MEGF9: variants seen among roughly 807,000 people sequenced by gnomAD.
MEGF9 encodes multiple epidermal growth factor-like domains protein 9.
MEGF9 carries 6 observed loss-of-function variants against 46.8 expected under a neutral mutation model. The ratio of observed to expected loss-of-function variants is 0.13; its 90% CI spans 0.07 to 0.25. The LOEUF (loss-of-function observed/expected upper bound fraction) is 0.25. Among genes scored for constraint, MEGF9 ranks in the 10% least tolerant of loss-of-function variants. The probability of loss-of-function intolerance (pLI) is 1.00; values close to 1 mark genes in which losing one functional copy is unlikely to be tolerated. For synonymous variants in MEGF9, 302 were observed against 330.7 expected, an observed-to-expected ratio of 0.91 and a Z score of 0.94; for missense variants, 683 against 792.4, an observed-to-expected ratio of 0.86 and a Z score of 1.66.
At chr9:120,711,353 T>C (rs532552759) in intron 1 of MEGF9, among the ~76,000 whole-genome samples, 4 of 152,240 alleles carry the variant, frequency 2.6e-5, no homozygotes, top group Non-Finnish European at 5.9e-5. Context: ...AAGTCCATGA[T>C]ACATAGTTAA....
intron 1 of MEGF9, among the ~76,000 whole-genome samples, chr9:120,699,016 A>C (rs891840979): frequency 4.6e-5 from 7 of 152,318 alleles, no homozygotes; most frequent in Non-Finnish European, 7.3e-5. Context: ...CACGTGAACC[A>C]AAGACAAATC....
chr9:120,660,214 G>C (rs780895397), intron 1 of MEGF9, among the ~76,000 whole-genome samples: 15 of 151,848 alleles, frequency 9.9e-5, no homozygotes, highest in Non-Finnish European at 2.2e-4. Flanking sequence ...TTTGTTTGTT[G>C]GTTTCACTTT....
intron 3 of MEGF9, among the ~76,000 whole-genome samples, chr9:120,615,933 T>C (rs567918748): frequency 5.7e-4 from 87 of 152,226 alleles, no homozygotes; most frequent in African/African-American, 2.0e-3. Context: ...ATAAAATTCA[T>C]TGATTCTTAA....
rs116642708 is a variant in MEGF9, at chr9:120,681,708, G to C, written c.602-22133C>G. Among the ~76,000 whole-genome samples, 570 of 152,210 alleles carry C rather than the reference G, an allele frequency of 3.7e-3. 6 individuals carry two copies. Among genetic ancestry groups the C allele is most frequent in the African/African-American group, 0.013 (546 of 41,518 alleles). ...TAATTACCATATACCTATTAATATA[G>C]AGTAGCTGTTATGTTGGTAACTATT... is the stretch of plus-strand genomic sequence containing the variant. On this transcript the variant is annotated intron_variant, in intron 1 of 5. Transcript: ENST00000373930.
intron 1 of MEGF9, among the ~76,000 whole-genome samples, chr9:120,695,603 CAA>C (rs370281228): frequency 0.063 from 1,154 of 18,362 alleles, no homozygotes; most frequent in African/African-American, 0.13. Flanking sequence ...GACCCCATCT[CAA>C]AAAAAAAAAA....
intron 2 of MEGF9, among the ~76,000 whole-genome samples, chr9:120,657,675 T>C (rs2043683607): frequency 6.6e-6 from 1 of 152,126 alleles, no homozygotes; most frequent in Non-Finnish European, 1.5e-5. Flanking sequence ...TATGAGCATG[T>C]TTTAGGGGGA....
chr9:120,659,521 T>C lies in MEGF9; in HGVS notation c.656A>G (p.Gln219Arg), dbSNP rs755371275. 3 of 1,613,732 alleles carry C rather than the reference T, an allele frequency of 1.9e-6. No homozygotes were observed. The highest frequency in any genetic ancestry group is 2.5e-6 in the Non-Finnish European group (3 of 1,179,790). Residue 219 changes from glutamine (Q) to arginine (R), a missense_variant, in exon 2 of 6, where the codon CAG becomes CGG. By Grantham distance (43) the Gln-to-Arg change is conservative. Coordinates refer to ENST00000373930, the MANE Select transcript of MEGF9 (RefSeq NM_001080497.3). The part of the protein sequence containing the change: ...VGSLNVNRCN[Q>R]TTGQCECRPG... ...CCGACACTCACACTGCCCTGTGGTC[T>C]GGTTGCAGCGATTCACATTCAGGCT...
intron 4 of MEGF9, among the ~76,000 whole-genome samples, chr9:120,608,739 TG>T (rs1048062607): frequency 1.8e-4 from 27 of 152,208 alleles, no homozygotes; most frequent in African/African-American, 4.8e-4. Flanking sequence ...CTTCCTCCAA[TG>T]TTCCCTAGAT....
chr9:120,631,649 T>A (rs1256448157), intron 2 of MEGF9, among the ~76,000 whole-genome samples: 1 of 151,506 alleles, frequency 6.6e-6, no homozygotes, highest in Admixed American at 6.6e-5. Context: ...CATGCCTGGG[T>A]AATTTTTGTA....
chr9:120,644,753 G>A (rs2043618384), intron 2 of MEGF9, among the ~76,000 whole-genome samples: 1 of 152,190 alleles, frequency 6.6e-6, no homozygotes, highest in Admixed American at 6.5e-5. Flanking sequence ...GTCGGTAAAT[G>A]TTAGTGCTGT....
intron 1 of MEGF9, among the ~76,000 whole-genome samples, chr9:120,665,927 G>C (rs903963100): frequency 3.3e-5 from 5 of 151,960 alleles, no homozygotes; most frequent in African/African-American, 1.2e-4. Flanking sequence ...TTTATTTCTG[G>C]ATTCTCTGTT....
intron 1 of MEGF9, among the ~76,000 whole-genome samples, chr9:120,670,608 A>C (rs1299497655): frequency 6.6e-6 from 1 of 152,058 alleles, no homozygotes; most frequent in Non-Finnish European, 1.5e-5. Context: ...CTTCCATCCC[A>C]CTGTACAACC....
intron 1 of MEGF9, among the ~76,000 whole-genome samples, chr9:120,695,838 A>G (rs914410087): frequency 1.6e-4 from 25 of 152,166 alleles, no homozygotes; most frequent in African/African-American, 5.8e-4. Context: ...TTAAGCCTTG[A>G]TACCGCATCA....
At chr9:120,631,767 A>G (rs10818471) in intron 2 of MEGF9, among the ~76,000 whole-genome samples, 104,644 of 152,084 alleles carry the variant, frequency 0.69, 36,204 homozygotes, top group South Asian at 0.75. Context: ...TTACAGGTAT[A>G]AGCCACTGTG....
chr9:120,642,873 C>T (rs1315379347), intron 2 of MEGF9, among the ~76,000 whole-genome samples: 4 of 152,148 alleles, frequency 2.6e-5, no homozygotes, highest in Admixed American at 6.5e-5. Context: ...GAGAAACATG[C>T]CTATGTTCCT....
chr9:120,701,942 C>A (rs555157810), intron 1 of MEGF9, among the ~76,000 whole-genome samples: 14 of 151,968 alleles, frequency 9.2e-5, no homozygotes, highest in Non-Finnish European at 1.9e-4. Flanking sequence ...ACTTGGGAGG[C>A]TGAGGCAGGC....
intron 1 of MEGF9, among the ~76,000 whole-genome samples, chr9:120,711,002 C>T (rs2043950469): frequency 6.6e-6 from 1 of 152,166 alleles, no homozygotes; most frequent in African/African-American, 2.4e-5. Flanking sequence ...CACCCAAAGA[C>T]CATCACAGAC....
intron 2 of MEGF9, among the ~76,000 whole-genome samples, chr9:120,639,174 G>GT (rs1478451754): frequency 1.3e-5 from 2 of 152,066 alleles, no homozygotes; most frequent in African/African-American, 4.8e-5. Flanking sequence ...TTTCCCATAT[G>GT]TTTTTTATAT....
In MEGF9 at chr9:120,671,862, C is replaced by T. The variant is rs1264381994; in HGVS notation, c.602-12287G>A. 2.0e-4 allele frequency among the ~76,000 whole-genome samples: 31 copies of T among 152,058 alleles called. 1 individual carries two copies. Among genetic ancestry groups the T allele is most frequent in the Admixed American group, 2.0e-3 (30 of 15,268 alleles). On this transcript the variant is annotated intron_variant, in intron 1 of 5. Transcript: ENST00000373930. The stretch of plus-strand genomic sequence containing the variant: ...ACATCTTGGATCAAAAACCTCTCAA[C>T]AAAATAACCAGTAATATATAAACAA...
Sources: allele counts gnomAD v4.1 joint callset (sites outside exome capture counted in the v4.1 genomes callset), GRCh38; gene constraint gnomAD v4.1.1; transcripts MANE v1.5; gene names NCBI Gene and HGNC (gene_info 2026-07-23, HGNC 2026-07-21).